The following MYRIP variants were observed in gnomAD, a reference collection of about 807,000 sequenced individuals.
MYRIP encodes the protein myosin VIIA and Rab interacting protein, also known as rab effector MyRIP.
In MYRIP, 49 loss-of-function variants were observed where a neutral mutation model predicts 98.0. The ratio of observed to expected loss-of-function variants is 0.50; its 90% CI spans 0.40 to 0.63. The LOEUF (loss-of-function observed/expected upper bound fraction) is 0.63. Among genes scored for constraint, MYRIP ranks in the 30% least tolerant of loss-of-function variants. MYRIP has a pLI of 0.00. For synonymous variants in MYRIP, 404 were observed against 409.5 expected (o/e 0.99, Z 0.16); for missense variants, 1,004 against 1,058.2 (o/e 0.95, Z 0.71).
rs1403840996 is a variant in MYRIP at position 40,218,641 on chromosome 3, T to C, written c.1905+8548T>C. On this transcript the variant is annotated intron_variant, in intron 11 of 16. Coordinates refer to ENST00000302541, the MANE Select transcript of MYRIP (RefSeq NM_015460.4). ...ATATATATATATATATATATATATA[T>C]ATATATATATATATACATACACACA... Among the ~76,000 whole-genome samples, 30 of 70,694 alleles carry C rather than the reference T, an allele frequency of 4.2e-4. 4 individuals are homozygous for C. The East Asian group carries it at 5.4e-3, about 13-fold the overall frequency. 46.4% of individuals were successfully genotyped at this position (70,694 alleles called of 152,430 possible). A position where few individuals can be genotyped will look rare whatever the true frequency, so the allele number is the denominator to read the frequency against.
rs550950339 is a variant in MYRIP at position 39,855,615 on chromosome 3, A to G, written c.-30-45172A>G. Among the ~76,000 whole-genome samples the G allele has an allele frequency of 1.3e-4, 20 of 152,180 alleles. 1 individual carries two copies. In the South Asian group the frequency reaches 4.2e-3, roughly 32 times the overall value. On this transcript the variant is annotated intron_variant, in intron 1 of 16. Transcript: ENST00000302541. ...ATATGGTTTGCCAGGGAGGTGGGGC[A>G]AGAGGCTGGTAGCTGGTAGCAGGAG...
At chr3:40,154,844 A>C (rs1211906266) in intron 4 of MYRIP, among the ~76,000 whole-genome samples, 1 of 152,206 alleles carries the variant, frequency 6.6e-6, no homozygotes, top group East Asian at 1.9e-4. Context: ...TACATGAAAA[A>C]GGTAAAAGTT....
intron 11 of MYRIP, chr3:40,233,125 T>A (rs1952711653): frequency 6.6e-6 from 1 of 152,166 alleles, no homozygotes; most frequent in South Asian, 2.1e-4. Context: ...GTTCCCCTGA[T>A]TAGGAAAACA....
chr3:39,987,608 T>G (rs1575440331), intron 2 of MYRIP, among the ~76,000 whole-genome samples: 1 of 152,330 alleles, frequency 6.6e-6, no homozygotes, highest in Admixed American at 6.5e-5. Flanking sequence ...TTGAACTAAT[T>G]TACATTCCCA....
intron 2 of MYRIP, among the ~76,000 whole-genome samples, chr3:39,909,501 T>C (rs752611096): frequency 6.6e-6 from 1 of 152,098 alleles, no homozygotes; most frequent in Non-Finnish European, 1.5e-5. Flanking sequence ...CCTATATGAA[T>C]AATTAGGATG....
At chr3:40,020,083 C>A (rs1054571963) in intron 2 of MYRIP, among the ~76,000 whole-genome samples, 2 of 151,904 alleles carry the variant, frequency 1.3e-5, no homozygotes, top group Non-Finnish European at 2.9e-5. Flanking sequence ...ACAGATAATC[C>A]CCATCACTCA....
intron 3 of MYRIP, among the ~76,000 whole-genome samples, chr3:40,052,637 G>A (rs1433533754): frequency 6.6e-6 from 1 of 152,042 alleles, no homozygotes; most frequent in Non-Finnish European, 1.5e-5. Context: ...GCATATCCAA[G>A]CACTCTTTTT....
chr3:40,076,589 G>A (rs933247829), intron 3 of MYRIP, among the ~76,000 whole-genome samples: 1 of 152,238 alleles, frequency 6.6e-6, no homozygotes. Flanking sequence ...CTCTGAGAAG[G>A]GGAGGAGAGC....
intron 2 of MYRIP, among the ~76,000 whole-genome samples, chr3:39,979,650 C>CAAAAAAAAAAAAAAAAA (rs1400253573): frequency 1.3e-5 from 1 of 79,026 alleles, no homozygotes; most frequent in Non-Finnish European, 3.0e-5. Flanking sequence ...AAAACCAAAA[C>CAAAAAAAAAAAAAAAAA]AAAACAAAAA....
chr3:40,225,996 GT>G (rs1360243423), intron 11 of MYRIP, among the ~76,000 whole-genome samples: 5 of 152,076 alleles, frequency 3.3e-5, no homozygotes, highest in African/African-American at 1.2e-4. Flanking sequence ...ACATTTGTAA[GT>G]CACAGGGCTG....
intron 3 of MYRIP, among the ~76,000 whole-genome samples, chr3:40,076,810 G>A (rs1042644714): frequency 2.0e-5 from 3 of 152,180 alleles, no homozygotes; most frequent in Non-Finnish European, 4.4e-5. Flanking sequence ...TAAACCACGT[G>A]AAAGTATTAC....
chr3:40,156,568 G>A (rs1197589465), intron 4 of MYRIP, among the ~76,000 whole-genome samples: 2 of 151,930 alleles, frequency 1.3e-5, no homozygotes, highest in East Asian at 1.9e-4. Flanking sequence ...CATTGAATCT[G>A]TAAATTACCT....
intron 2 of MYRIP, among the ~76,000 whole-genome samples, chr3:39,937,407 A>G (rs1406560367): frequency 1.3e-5 from 2 of 152,218 alleles, no homozygotes; most frequent in Admixed American, 1.3e-4. Context: ...GGACCAGGAC[A>G]TTCTGAAGAG....
At chr3:40,188,245 T>C (rs1951090394) in intron 9 of MYRIP, among the ~76,000 whole-genome samples, 1 of 152,190 alleles carries the variant, frequency 6.6e-6, no homozygotes, top group South Asian at 2.1e-4. Context: ...GAAATACTGA[T>C]AACTTTCCTT....
At chr3:40,068,323 A>G (rs1269529703) in intron 3 of MYRIP, among the ~76,000 whole-genome samples, 1 of 152,200 alleles carries the variant, frequency 6.6e-6, no homozygotes, top group African/African-American at 2.4e-5. Flanking sequence ...AAAAATTCTA[A>G]CTACTTTTCT....
In MYRIP at chr3:40,002,766, G is replaced by A. The variant is rs997972323; in HGVS notation, c.111-41284G>A. 2.2e-4 allele frequency among the ~76,000 whole-genome samples: 34 copies of A among 152,058 alleles called. 1 individual carries two copies. The highest frequency in any genetic ancestry group is 2.6e-4 in the Non-Finnish European group (18 of 68,006). On this transcript the variant is annotated intron_variant, in intron 2 of 16. Transcript: ENST00000302541. Reference sequence around the variant, plus strand: ...TAAAATAAATATGATACACATATATGTACATATAGGTATAGATATAAATAG... The same window carrying A: ...TAAAATAAATATGATACACATATATATACATATAGGTATAGATATAAATAG...
intron 2 of MYRIP, among the ~76,000 whole-genome samples, chr3:39,918,250 A>G (rs1944215927): frequency 6.6e-6 from 1 of 152,196 alleles, no homozygotes; most frequent in Non-Finnish European, 1.5e-5. Context: ...ATTCCCAAGG[A>G]GGCCAGCATC....
intron 3 of MYRIP, among the ~76,000 whole-genome samples, chr3:40,075,153 A>G (rs1369230629): frequency 6.6e-6 from 1 of 152,216 alleles, no homozygotes; most frequent in Non-Finnish European, 1.5e-5. Flanking sequence ...TGTATATGGG[A>G]AAACAGGCAA....
chr3:40,031,717 G>A (rs1947265060), intron 2 of MYRIP, among the ~76,000 whole-genome samples: 1 of 152,172 alleles, frequency 6.6e-6, no homozygotes, highest in South Asian at 2.1e-4. Context: ...TTAGTCTTGG[G>A]AGGGTGTATG....
Sources: gnomAD v4.1 joint callset for allele counts (sites outside exome capture counted in the v4.1 genomes callset) on GRCh38, gnomAD v4.1.1 for gene constraint, MANE v1.5 for transcripts, NCBI Gene and HGNC (gene_info 2026-07-23, HGNC 2026-07-21) for gene names.